ZNRF3: variants seen among roughly 807,000 people sequenced by gnomAD.
The protein encoded by ZNRF3 is zinc and ring finger 3.
In ZNRF3, 23 loss-of-function variants were observed where a neutral mutation model predicts 72.5. That is an observed-to-expected ratio of 0.32 (90% confidence interval 0.23 to 0.45). The LOEUF (loss-of-function observed/expected upper bound fraction) is 0.45, where lower values mean the gene tolerates loss of function less well. ZNRF3 is among the 20% of genes least tolerant of loss of function. The pLI is 1.00. For missense variants in ZNRF3, 1,169 were observed against 1,272.1 expected (o/e 0.92, Z 1.23); for synonymous variants, 610 against 545.3 (o/e 1.12, Z -1.65).
rs563505854 is a variant in ZNRF3, at chr22:29,018,485, C to G, written c.427-24010C>G. Reference sequence around the variant, plus strand: ...ACTTTGAACTGGAGCCCTTTGAACTCTAGCCCTGAAAAGGGTCAGGGCTAG... The same window carrying G: ...ACTTTGAACTGGAGCCCTTTGAACTGTAGCCCTGAAAAGGGTCAGGGCTAG... On this transcript the variant is annotated intron_variant, in intron 2 of 8. Coordinates refer to ENST00000544604, the MANE Select transcript of ZNRF3 (RefSeq NM_001206998.2). The G allele has an allele frequency of 3.1e-5, 5 of 159,778 alleles. No individual in the cohort carries two copies. The South Asian group carries it at 9.2e-4, about 29-fold the overall frequency. The allele number at this position is 159,778 out of a possible 1,614,324, so 9.9% of individuals were successfully genotyped here. A position where few individuals can be genotyped will look rare whatever the true frequency, so the allele number is the denominator to read the frequency against.
Position 28,898,661 on chromosome 22 carries a change from A to G in ZNRF3, c.300+14595A>G, listed in dbSNP as rs541119547. Among the ~76,000 whole-genome samples the G allele has an allele frequency of 9.1e-4, 139 of 152,358 alleles. 2 individuals carry two copies. The South Asian group carries it at 0.023, about 26-fold the overall frequency. ...CAAATGTATATGAGTCTTTACTTACATTTGTGCCATATTGCTTCCCCCTAT... is the reference window on the plus strand; with the variant it reads ...CAAATGTATATGAGTCTTTACTTACGTTTGTGCCATATTGCTTCCCCCTAT... On this transcript the variant is annotated intron_variant, in intron 1 of 8. Transcript: ENST00000544604.
chr22:29,023,621 A>G (rs1237115789), intron 2 of ZNRF3, among the ~76,000 whole-genome samples: 2 of 152,210 alleles, frequency 1.3e-5, no homozygotes, highest in Non-Finnish European at 2.9e-5. Flanking sequence ...ATGGAGAAGC[A>G]GGCTCAGTCT....
intron 2 of ZNRF3, among the ~76,000 whole-genome samples, chr22:29,020,017 A>G (rs1484084427): frequency 2.0e-5 from 3 of 151,516 alleles, no homozygotes; most frequent in South Asian, 2.1e-4. Context: ...CTCCCCCCCA[A>G]TCCCCCCATG....
intron 2 of ZNRF3, among the ~76,000 whole-genome samples, chr22:28,987,497 G>A (rs1434519555): frequency 1.3e-5 from 2 of 152,168 alleles, no homozygotes; most frequent in Non-Finnish European, 2.9e-5. Flanking sequence ...CTGTGAAATG[G>A]GCTAATAATA....
intron 1 of ZNRF3, among the ~76,000 whole-genome samples, chr22:28,914,495 CTTT>C (rs132544): frequency 4.0e-5 from 5 of 125,970 alleles, no homozygotes; most frequent in African/African-American, 3.0e-5. Flanking sequence ...TGACATAGAG[CTTT>C]TTTTTTTTTT....
At chr22:28,975,141 G>A (rs540529859) in intron 1 of ZNRF3, among the ~76,000 whole-genome samples, 2 of 152,220 alleles carry the variant, frequency 1.3e-5, no homozygotes, top group South Asian at 4.1e-4. Context: ...TACTTTGGCT[G>A]GGTGCAGTGG....
intron 1 of ZNRF3, among the ~76,000 whole-genome samples, chr22:28,955,283 G>A (rs1163667074): frequency 6.6e-6 from 1 of 152,102 alleles, no homozygotes; most frequent in African/African-American, 2.4e-5. Flanking sequence ...GATCACTCAA[G>A]TGATCCTCCT....
chr22:28,927,386 T>C (rs971551713), intron 1 of ZNRF3, among the ~76,000 whole-genome samples: 1 of 152,152 alleles, frequency 6.6e-6, no homozygotes, highest in African/African-American at 2.4e-5. Flanking sequence ...AAACCCTGTC[T>C]CTACCAAAAC....
intron 2 of ZNRF3, among the ~76,000 whole-genome samples, chr22:28,999,326 T>A (rs1021638348): frequency 6.6e-6 from 1 of 151,510 alleles, no homozygotes; most frequent in African/African-American, 2.4e-5. Context: ...AGAACAAGAC[T>A]CTGTCTCCAA....
At chr22:28,939,938 T>G (rs2034911816) in intron 1 of ZNRF3, among the ~76,000 whole-genome samples, 1 of 152,212 alleles carries the variant, frequency 6.6e-6, no homozygotes, top group Admixed American at 6.5e-5. Context: ...TCAAAAAGAT[T>G]TTTAATGAAT....
intron 1 of ZNRF3, among the ~76,000 whole-genome samples, chr22:28,912,070 G>A (rs1399614235): frequency 6.6e-6 from 1 of 152,168 alleles, no homozygotes; most frequent in Admixed American, 6.5e-5. Flanking sequence ...CCTCTTCAAA[G>A]TTGTAATCAA....
rs148102688 is a variant in ZNRF3, at chr22:29,041,086, G to T, written c.427-1409G>T. On this transcript the variant is annotated intron_variant, in intron 2 of 8. Coordinates refer to ENST00000544604, the MANE Select transcript of ZNRF3 (RefSeq NM_001206998.2). ...TTGCCTTCTATACATACACACATTAGAAGTGTCTTACTTCCCTAACAAGAT... is the reference window on the plus strand; with the variant it reads ...TTGCCTTCTATACATACACACATTATAAGTGTCTTACTTCCCTAACAAGAT... Among the ~76,000 whole-genome samples the T allele has an allele frequency of 7.3e-3, 1,115 of 152,292 alleles. 20 individuals are homozygous for T. Among genetic ancestry groups the T allele is most frequent in the African/African-American group, 0.026 (1,077 of 41,558 alleles).
chr22:28,903,066 G>A (rs1038889125), intron 1 of ZNRF3, among the ~76,000 whole-genome samples: 1 of 152,106 alleles, frequency 6.6e-6, no homozygotes, highest in Non-Finnish European at 1.5e-5. Context: ...GGCTCCCCAG[G>A]GTAGTGCTTA....
Position 29,044,681 on chromosome 22 carries a change from G to A in ZNRF3, c.634-99G>A, listed in dbSNP as rs534417481. 2.7e-4 allele frequency: 217 copies of A among 809,592 alleles called. 3 individuals carry two copies. In the South Asian group the frequency reaches 3.0e-3, roughly 11 times the overall value. The allele number at this position is 809,592 out of a possible 1,614,324, so 50.2% of individuals were successfully genotyped here. A position where few individuals can be genotyped will look rare whatever the true frequency, so the allele number is the denominator to read the frequency against. On this transcript the variant is annotated intron_variant, in intron 4 of 8. Transcript: ENST00000544604. ...TGCAAATTGAGGGGAAACTCATCCC[G>A]GTCACCCCATCTTTATCCTGACAAA... is the stretch of plus-strand genomic sequence containing the variant.
chr22:29,015,402 G>T (rs1202153712), intron 2 of ZNRF3, among the ~76,000 whole-genome samples: 2 of 152,134 alleles, frequency 1.3e-5, no homozygotes, highest in Non-Finnish European at 2.9e-5. Context: ...GGGCACGGTG[G>T]CTCATGCCTA....
At chr22:28,900,157 A>G (rs1225712912) in intron 1 of ZNRF3, among the ~76,000 whole-genome samples, 1 of 152,192 alleles carries the variant, frequency 6.6e-6, no homozygotes, top group African/African-American at 2.4e-5. Context: ...GAAGGGAAAG[A>G]AAAACAGGAA....
At chr22:29,020,807 G>A (rs1465310705) in intron 2 of ZNRF3, among the ~76,000 whole-genome samples, 1 of 147,430 alleles carries the variant, frequency 6.8e-6, no homozygotes, top group East Asian at 2.1e-4. Flanking sequence ...GTGTGTGTGT[G>A]TGTGTTTGAG....
intron 2 of ZNRF3, among the ~76,000 whole-genome samples, chr22:29,024,816 G>A (rs1350333567): frequency 6.6e-6 from 1 of 152,052 alleles, no homozygotes; most frequent in African/African-American, 2.4e-5. Flanking sequence ...ACCCAAAAAT[G>A]TCAGTAAACC....
chr22:28,924,150 C>T (rs2034559669), intron 1 of ZNRF3, among the ~76,000 whole-genome samples: 4 of 152,154 alleles, frequency 2.6e-5, no homozygotes, highest in Admixed American at 1.3e-4. Flanking sequence ...CAAAGACACC[C>T]CTTGTTTGTT....
Sources: gnomAD v4.1 joint callset for allele counts (sites outside exome capture counted in the v4.1 genomes callset) on GRCh38, gnomAD v4.1.1 for gene constraint, MANE v1.5 for transcripts, NCBI Gene and HGNC (gene_info 2026-07-23, HGNC 2026-07-21) for gene names.